PNLIP: variants seen among roughly 807,000 people sequenced by gnomAD.
PNLIP encodes pancreatic triacylglycerol lipase.
In PNLIP, 49 loss-of-function variants were observed where a neutral mutation model predicts 57.1. That is an observed-to-expected ratio of 0.86 (90% confidence interval 0.68 to 1.09). PNLIP has a LOEUF of 1.09. Ranked by LOEUF, PNLIP falls within the 50% of genes least tolerant of loss-of-function variation. The pLI, the probability that PNLIP is intolerant of heterozygous loss-of-function variation, is 0.00. For synonymous variants in PNLIP, 209 were observed against 200.4 expected (o/e 1.04, Z -0.36); for missense variants, 503 against 570.2 (o/e 0.88, Z 1.20).
chr10:116,562,110 G>A (rs1283562401), intron 12 of PNLIP, among the ~76,000 whole-genome samples: 1 of 152,194 alleles, frequency 6.6e-6, no homozygotes, highest in Non-Finnish European at 1.5e-5. Context: ...GGACTGGAGT[G>A]TGTGGGAGCC....
At chr10:116,547,681 G>A (rs928816875) in intron 3 of PNLIP, among the ~76,000 whole-genome samples, 18 of 143,156 alleles carry the variant, frequency 1.3e-4, no homozygotes, top group African/African-American at 4.5e-4. Flanking sequence ...AGCCGAGATC[G>A]CGCCACTGCA....
At chr10:116,561,380 T>G in intron 11 of PNLIP, 92 bp from the exon 12 acceptor site, 2 of 856,752 alleles carry the variant, frequency 2.3e-6, no homozygotes, top group Non-Finnish European at 3.5e-6. Flanking sequence ...AATGTGTATG[T>G]ATATATGTAC....
At chr10:116,554,817 G>A (rs1180438621) in intron 6 of PNLIP, among the ~76,000 whole-genome samples, 1 of 152,180 alleles carries the variant, frequency 6.6e-6, no homozygotes, top group Non-Finnish European at 1.5e-5. Context: ...GTGAATGCCT[G>A]TGGTCTCAGT....
At chr10:116,553,336 C>G (rs968012834) in intron 5 of PNLIP, among the ~76,000 whole-genome samples, 1 of 152,224 alleles carries the variant, frequency 6.6e-6, no homozygotes, top group Non-Finnish European at 1.5e-5. Flanking sequence ...AACTCCTGAC[C>G]TCAGGTGGTT....
In PNLIP at chr10:116,551,185, A is replaced by G. The variant is rs770414976; in HGVS notation, c.412A>G (p.Ile138Val). ...RTGYTQASQN[I>V]RIVGAEVAYF... ...TGGATACACACAAGCCTCGCAGAAC[A>G]TCAGGATCGTGGGAGCAGAAGTGGC... Residue 138 changes from isoleucine (I) to valine (V), a missense_variant, in exon 5 of 13, where the codon ATC (isoleucine) becomes GTC (valine). Ile to Val is a conservative substitution (Grantham distance 29). Transcript: ENST00000369221. 3.1e-6 allele frequency: 5 copies of G among 1,612,690 alleles called. No individual in the cohort carries two copies. Among genetic ancestry groups the G allele is most frequent in the South Asian group, 1.1e-5 (1 of 90,864 alleles).
At chr10:116,555,693 C>T (rs772874805) in intron 8 of PNLIP, among the ~76,000 whole-genome samples, 186 bp downstream of exon 8, 28 of 152,156 alleles carry the variant, frequency 1.8e-4, no homozygotes, top group Non-Finnish European at 3.2e-4. Flanking sequence ...GGAAAGAAAG[C>T]GTATTTTCAG....
At chr10:116,554,057 T>C (rs766257414) in intron 6 of PNLIP, among the ~76,000 whole-genome samples, 3 of 152,196 alleles carry the variant, frequency 2.0e-5, no homozygotes, top group Non-Finnish European at 4.4e-5. Flanking sequence ...GTTTTACCTT[T>C]TCACATTTTC....
At chr10:116,549,714 G>C (rs1847170034) in intron 4 of PNLIP, among the ~76,000 whole-genome samples, 1 of 152,132 alleles carries the variant, frequency 6.6e-6, no homozygotes, top group Admixed American at 6.5e-5. Context: ...GGTAATAATA[G>C]ATATTTATAG....
At chr10:116,562,917 A>G (rs899417060) in intron 12 of PNLIP, among the ~76,000 whole-genome samples, 5 of 152,226 alleles carry the variant, frequency 3.3e-5, no homozygotes, top group Admixed American at 6.5e-5. Context: ...ATTGCAGAAC[A>G]AAAAGGTCAA....
At chr10:116,555,741 AT>A (rs1486750301) in intron 8 of PNLIP, among the ~76,000 whole-genome samples, 1 of 152,210 alleles carries the variant, frequency 6.6e-6, no homozygotes, top group African/African-American at 2.4e-5. Flanking sequence ...ATGAGCTTTT[AT>A]TTATTTAAAC....
intron 8 of PNLIP, 102 bp downstream of exon 8, chr10:116,555,609 T>C (rs1268784728): frequency 1.5e-6 from 2 of 1,294,932 alleles, no homozygotes; most frequent in Non-Finnish European, 2.1e-6. Context: ...TCTCACATTT[T>C]ACATAACAAA....
In PNLIP at chr10:116,547,450, T is replaced by G; in HGVS notation, c.201+2T>G. 6.2e-7 allele frequency: 1 copy of G among 1,611,018 alleles called. No homozygotes were observed. The highest frequency in any genetic ancestry group is 8.5e-7 in the Non-Finnish European group (1 of 1,178,930). On this transcript the variant is annotated splice_donor_variant, in intron 3 of 12. Coordinates refer to ENST00000369221, the MANE Select transcript of PNLIP (RefSeq NM_000936.4). LOFTEE classifies it high-confidence loss of function. ...AATGAGAACCCAAACAACTTTCAAG[T>G]AAGAACTATCACTGTGTTTAGAACT...
intron 4 of PNLIP, 103 bp from the exon 5 acceptor site, chr10:116,550,995 T>C: frequency 1.1e-6 from 1 of 909,338 alleles, no homozygotes; most frequent in Non-Finnish European, 1.6e-6. Context: ...AAAATGACAT[T>C]GTGTGGGTCA....
chr10:116,553,628 T>C, intron 5 of PNLIP, 99 bp from the exon 6 acceptor site: 1 of 732,646 alleles, frequency 1.4e-6, no homozygotes, highest in Admixed American at 2.1e-5. Flanking sequence ...CCCACAACAA[T>C]GAAATCGCTT....
chr10:116,557,644 C>T (rs932883807), intron 9 of PNLIP, among the ~76,000 whole-genome samples: 1 of 152,094 alleles, frequency 6.6e-6, no homozygotes, highest in Admixed American at 6.5e-5. Context: ...TTGTTGAATG[C>T]CAACCCTGGG....
At chr10:116,548,503 A>C (rs1847155124) in intron 4 of PNLIP, 21 bp downstream of exon 4, 1 of 1,609,854 alleles carries the variant, frequency 6.2e-7, no homozygotes, top group Non-Finnish European at 8.5e-7. Flanking sequence ...GTCATCTCTC[A>C]AGGAAAGATC....
At position 116,567,764 on chromosome 10, in the gene PNLIP, G is replaced by A. The variant is rs777644952; in HGVS notation, c.1364G>A (p.Arg455Lys). 11 of 1,613,994 alleles carry A rather than the reference G, an allele frequency of 6.8e-6. No individual in the cohort carries two copies. The highest frequency in any genetic ancestry group is 1.1e-5 in the South Asian group (1 of 91,070). The change falls in exon 13 of 13, where the codon AGG becomes AAG. Residue 455 changes from arginine (R) to lysine (K), a missense_variant. Transcript: ENST00000369221. ...AACTTCTGTAGTCCAGAAACCGTCA[G>A]GGAGGAAGTTCTGCTCACCCTCACA... The part of the protein sequence containing the change: ...QFNFCSPETV[R>K]EEVLLTLTPC
intron 12 of PNLIP, 146 bp downstream of exon 12, chr10:116,561,782 T>C: frequency 1.6e-6 from 1 of 631,466 alleles, no homozygotes; most frequent in East Asian, 2.7e-5. Context: ...TTCTGTTTCT[T>C]TAGGGAAAAG....
At chr10:116,552,423 G>A (rs1199187994) in intron 5 of PNLIP, among the ~76,000 whole-genome samples, 1 of 152,008 alleles carries the variant, frequency 6.6e-6, no homozygotes, top group East Asian at 1.9e-4. Flanking sequence ...GTAGGCCTAG[G>A]CTAATGCAGG....
Sources: gnomAD v4.1 joint callset for allele counts (sites outside exome capture counted in the v4.1 genomes callset) on GRCh38, gnomAD v4.1.1 for gene constraint, MANE v1.5 for transcripts, NCBI Gene and HGNC (gene_info 2026-07-23, HGNC 2026-07-21) for gene names.